The following PVT1 variants were observed in gnomAD, a reference collection of about 807,000 sequenced individuals.
The protein encoded by PVT1 is CXCR4/PVT1 fusion.
chr8:128,017,841 T>C (rs914237467), intron 4 of PVT1, among the ~76,000 whole-genome samples: 1 of 152,140 alleles, frequency 6.6e-6, no homozygotes, highest in African/African-American at 2.4e-5. Flanking sequence ...TCTCTGGGGC[T>C]CTCACTCCTT....
intron 4 of PVT1, among the ~76,000 whole-genome samples, chr8:128,000,734 G>A (rs1051852223): frequency 6.6e-6 from 1 of 152,168 alleles, no homozygotes; most frequent in African/African-American, 2.4e-5. Flanking sequence ...TTAGTGTGTA[G>A]GGCTTTTGTT....
chr8:127,925,697 A>G (rs758576131), intron 3 of PVT1, among the ~76,000 whole-genome samples: 39 of 152,024 alleles, frequency 2.6e-4, no homozygotes, highest in Middle Eastern at 3.4e-3. Context: ...GCTGGAGTGC[A>G]GTGGTGCCAT....
At chr8:127,923,657 ACT>A (rs1816092291) in intron 3 of PVT1, among the ~76,000 whole-genome samples, 1 of 151,958 alleles carries the variant, frequency 6.6e-6, no homozygotes, top group South Asian at 2.1e-4. Flanking sequence ...AAGCGCTGAG[ACT>A]CTGGCTTTTG....
At chr8:128,097,966 C>T (rs1814449705) in intron 6 of PVT1, among the ~76,000 whole-genome samples, 1 of 152,174 alleles carries the variant, frequency 6.6e-6, no homozygotes, top group Admixed American at 6.5e-5. Flanking sequence ...GACCACCCTC[C>T]TTTTCTGCCC....
At chr8:127,993,015 A>G (rs1240779876) in intron 4 of PVT1, among the ~76,000 whole-genome samples, 1 of 152,234 alleles carries the variant, frequency 6.6e-6, no homozygotes, top group Non-Finnish European at 1.5e-5. Flanking sequence ...TCGGAACTCT[A>G]CGCTTGAAAC....
At position 127,983,877 on chromosome 8, in the gene PVT1, T is replaced by TTC. The variant is rs67269591; in HGVS notation, n.783-5284_783-5283insCT. 9 of 8,762 alleles carry TTC rather than the reference T, an allele frequency of 1.0e-3. No individual in the cohort carries two copies. In the Admixed American group the frequency reaches 0.013, roughly 13 times the overall value. 0.5% of individuals were successfully genotyped at this position (8,762 alleles called of 1,614,324 possible). On this transcript the variant is annotated intron_variant and non_coding_transcript_variant, in intron 3 of 10. Coordinates refer to ENST00000651587, the Ensembl canonical transcript of PVT1. Reference sequence around the variant, plus strand: ...GTTCCCCAGTCATACTTGACTTTGATTTTTTTTTTTTTTTTTTTTGATATA... The same window carrying TTC: ...GTTCCCCAGTCATACTTGACTTTGATTCTTTTTTTTTTTTTTTTTTTGATATA...
chr8:127,796,877 C>CTTTT (rs34435526), intron 2 of PVT1, among the ~76,000 whole-genome samples: 3 of 121,114 alleles, frequency 2.5e-5, no homozygotes, highest in African/African-American at 6.2e-5. Context: ...TCTTGTTTTG[C>CTTTT]TTTTTTTTTT....
intron 4 of PVT1, among the ~76,000 whole-genome samples, chr8:128,043,988 G>C (rs916574208): frequency 6.8e-6 from 1 of 146,196 alleles, no homozygotes; most frequent in Non-Finnish European, 1.5e-5. Context: ...CATCACACCC[G>C]GTTAATTTTT....
chr8:127,866,016 C>T (rs762053329), intron 2 of PVT1, among the ~76,000 whole-genome samples: 15 of 152,216 alleles, frequency 9.9e-5, no homozygotes, highest in Admixed American at 4.6e-4. Context: ...CATAAATTCA[C>T]ATGCCCATGG....
intron 2 of PVT1, among the ~76,000 whole-genome samples, chr8:127,829,648 A>G (rs1295694425): frequency 6.6e-6 from 1 of 152,238 alleles, no homozygotes; most frequent in African/African-American, 2.4e-5. Flanking sequence ...AACTTGAGAA[A>G]GAGACATCCC....
chr8:128,053,918 C>G (rs1420645927), intron 4 of PVT1, among the ~76,000 whole-genome samples: 1 of 152,208 alleles, frequency 6.6e-6, no homozygotes, highest in African/African-American at 2.4e-5. Context: ...TCTGATCTTC[C>G]TGCATACAAT....
chr8:128,099,046 A>C (rs1020811487), intron 6 of PVT1, among the ~76,000 whole-genome samples: 1 of 152,076 alleles, frequency 6.6e-6, no homozygotes, highest in Non-Finnish European at 1.5e-5. Flanking sequence ...CAGGTTCATT[A>C]CCCCATTTTA....
At chr8:128,018,755 A>G (rs1817401348) in intron 4 of PVT1, among the ~76,000 whole-genome samples, 1 of 125,970 alleles carries the variant, frequency 7.9e-6, no homozygotes, top group Non-Finnish European at 1.7e-5. Flanking sequence ...TACAAATGAG[A>G]AAATCTTGCG....
At chr8:127,803,151 C>G (rs13251769) in intron 2 of PVT1, 1 of 120,266 alleles carries the variant, frequency 8.3e-6, no homozygotes. Context: ...TTTTTTAAGA[C>G]GGAGTCTCCT....
chr8:127,997,043 C>CT (rs1554603118), intron 4 of PVT1, among the ~76,000 whole-genome samples: 26 of 54,630 alleles, frequency 4.8e-4, no homozygotes, highest in East Asian at 1.2e-3. Flanking sequence ...CATTTGCTTT[C>CT]GTTTTTTTTT....
chr8:127,897,951 G>A (rs1332886301), intron 3 of PVT1, among the ~76,000 whole-genome samples: 2 of 149,030 alleles, frequency 1.3e-5, no homozygotes, highest in East Asian at 4.0e-4. Flanking sequence ...AAAAGGGAAG[G>A]AAGGAAGGAA....
At chr8:127,908,270 A>G (rs1283612520) in intron 3 of PVT1, among the ~76,000 whole-genome samples, 2 of 150,554 alleles carry the variant, frequency 1.3e-5, no homozygotes, top group Non-Finnish European at 3.0e-5. Flanking sequence ...GTGGATCTTC[A>G]TTATCTGTGC....
At chr8:128,033,731 T>G (rs568682182) in intron 4 of PVT1, among the ~76,000 whole-genome samples, 1 of 152,334 alleles carries the variant, frequency 6.6e-6, no homozygotes, top group Admixed American at 6.5e-5. Flanking sequence ...ACAATGGCCT[T>G]GAAGTAAGGC....
intron 5 of PVT1, among the ~76,000 whole-genome samples, chr8:128,089,685 G>A (rs1297458169): frequency 1.3e-5 from 2 of 152,310 alleles, no homozygotes; most frequent in South Asian, 2.1e-4. Context: ...GTCATAATTG[G>A]AAAAGTATGT....
Sources: allele counts gnomAD v4.1 joint callset (sites outside exome capture counted in the v4.1 genomes callset), GRCh38; gene constraint gnomAD v4.1.1; transcripts MANE v1.5; gene names NCBI Gene and HGNC (gene_info 2026-07-23, HGNC 2026-07-21).